Variants in CYRIB observed in about 807,000 individuals in gnomAD.
CYRIB encodes the protein CYFIP-related Rac1 interactor B.
Under a neutral mutation model 44.2 loss-of-function variants are expected in CYRIB, and 8 were observed. That is an observed-to-expected ratio of 0.18 (90% CI 0.11 to 0.33). CYRIB has a LOEUF of 0.33. Ranked by LOEUF, CYRIB falls within the 10% of genes least tolerant of loss-of-function variation. The pLI is 1.00. For missense variants in CYRIB, 185 were observed against 382.8 expected (o/e 0.48, Z 4.31); for synonymous variants, 131 against 127.2 (o/e 1.03, Z -0.20).
At chr8:129,915,627 G>A (rs1332006021) in intron 1 of CYRIB, among the ~76,000 whole-genome samples, 1 of 152,164 alleles carries the variant, frequency 6.6e-6, no homozygotes, top group Non-Finnish European at 1.5e-5. Context: ...TATCTTGATT[G>A]TGGTGATGGT....
chr8:129,941,899 G>A (rs903002944), upstream of CYRIB, among the ~76,000 whole-genome samples: 1 of 152,152 alleles, frequency 6.6e-6, no homozygotes, highest in African/African-American at 2.4e-5. Flanking sequence ...TTGATTGTGA[G>A]GAACCTCTTT....
intron 2 of CYRIB, among the ~76,000 whole-genome samples, chr8:129,970,286 C>A (rs541616439): frequency 6.6e-6 from 1 of 151,898 alleles, no homozygotes; most frequent in Non-Finnish European, 1.5e-5. Flanking sequence ...TCTAGGAAAC[C>A]GGGGGAAAAA....
intron 1 of CYRIB, among the ~76,000 whole-genome samples, chr8:129,921,582 A>AT (rs1020096422): frequency 3.3e-5 from 5 of 151,906 alleles, no homozygotes; most frequent in Non-Finnish European, 7.4e-5. Flanking sequence ...TAATTTTTGT[A>AT]TTTTTTTTGG....
intron 1 of CYRIB, among the ~76,000 whole-genome samples, chr8:129,977,609 G>A (rs879706304): frequency 1.4e-4 from 21 of 151,696 alleles, no homozygotes; most frequent in Middle Eastern, 3.4e-3. Flanking sequence ...TCGGCTCACT[G>A]CAAACTCCAC....
chr8:129,853,944 C>CA (rs1401595084), intron 7 of CYRIB, among the ~76,000 whole-genome samples: 2 of 152,098 alleles, frequency 1.3e-5, no homozygotes, highest in Non-Finnish European at 2.9e-5. Context: ...AATATAGAGA[C>CA]AAAAAACTCG....
intron 2 of CYRIB, among the ~76,000 whole-genome samples, chr8:129,902,480 A>G (rs564422066): frequency 1.3e-5 from 2 of 152,220 alleles, no homozygotes; most frequent in African/African-American, 4.8e-5. Flanking sequence ...TCGGCCTCCC[A>G]AAGTGCTGAG....
intron 1 of CYRIB, among the ~76,000 whole-genome samples, chr8:129,986,030 C>T (rs2096443120): frequency 6.6e-6 from 1 of 152,184 alleles, no homozygotes; most frequent in Non-Finnish European, 1.5e-5. Context: ...CCAGCACTCC[C>T]AGACCTCCCC....
At chr8:129,977,757 C>T (rs2096012574) in intron 1 of CYRIB, among the ~76,000 whole-genome samples, 1 of 152,160 alleles carries the variant, frequency 6.6e-6, no homozygotes, top group South Asian at 2.1e-4. Flanking sequence ...TGGTCTCGAT[C>T]TCCTGACCTC....
intron 2 of CYRIB, chr8:129,896,535 G>C (rs946481421): frequency 1.3e-5 from 2 of 152,198 alleles, no homozygotes; most frequent in Non-Finnish European, 2.9e-5. Flanking sequence ...ATCGCAATGA[G>C]AGTTCAAATC....
intron 1 of CYRIB, among the ~76,000 whole-genome samples, chr8:130,010,229 C>T (rs7003672): frequency 2.6e-5 from 4 of 152,006 alleles, no homozygotes; most frequent in Non-Finnish European, 4.4e-5. Context: ...CCCTGATGAA[C>T]GAAGGTCAAG....
At chr8:129,982,248 C>A (rs2096266570) in intron 1 of CYRIB, among the ~76,000 whole-genome samples, 1 of 152,214 alleles carries the variant, frequency 6.6e-6, no homozygotes, top group African/African-American at 2.4e-5. Flanking sequence ...GCCATGCAGT[C>A]CCTCCAGCTC....
intron 1 of CYRIB, among the ~76,000 whole-genome samples, chr8:129,995,606 AGAG>A (rs1407754042): frequency 2.6e-5 from 4 of 152,218 alleles, no homozygotes; most frequent in Non-Finnish European, 5.9e-5. Flanking sequence ...AAGCTGGAGG[AGAG>A]GAGAACAGAG....
chr8:129,943,150 A>G (rs2093859724), upstream of CYRIB, among the ~76,000 whole-genome samples: 1 of 144,198 alleles, frequency 6.9e-6, no homozygotes, highest in Non-Finnish European at 1.5e-5. Context: ...AGAGTAAGAC[A>G]CCAAGTCCCT....
At chr8:129,869,436 T>C (rs918804921) in intron 4 of CYRIB, among the ~76,000 whole-genome samples, 4 of 149,266 alleles carry the variant, frequency 2.7e-5, no homozygotes, top group Admixed American at 6.7e-5. Context: ...TTTGTCTCTA[T>C]AGCGAGTAAG....
At chr8:129,869,768 G>GT (rs1250921161) in intron 4 of CYRIB, among the ~76,000 whole-genome samples, 5 of 152,168 alleles carry the variant, frequency 3.3e-5, no homozygotes, top group African/African-American at 1.2e-4. Context: ...ACTAAGTGCT[G>GT]TAAGTTTACA....
intron 2 of CYRIB, among the ~76,000 whole-genome samples, chr8:129,955,395 G>A (rs1371398228): frequency 6.6e-6 from 1 of 152,070 alleles, no homozygotes; most frequent in Non-Finnish European, 1.5e-5. Flanking sequence ...CAGAGTTCAT[G>A]TAAATACTGT....
chr8:129,967,373 T>TTTGTTTTG (rs2095519588), intron 2 of CYRIB, among the ~76,000 whole-genome samples: 1 of 145,018 alleles, frequency 6.9e-6, no homozygotes, highest in African/African-American at 2.9e-5. Flanking sequence ...TTTGTTTTGT[T>TTTGTTTTG]TTTTTGTTTT....
intron 1 of CYRIB, among the ~76,000 whole-genome samples, chr8:129,905,774 A>T (rs1286107376): frequency 6.6e-6 from 1 of 152,184 alleles, no homozygotes; most frequent in Non-Finnish European, 1.5e-5. Flanking sequence ...AAATTCAATT[A>T]TTTATTCTTA....
At chr8:129,972,777 C>G (rs934841282) in intron 1 of CYRIB, among the ~76,000 whole-genome samples, 9 of 151,836 alleles carry the variant, frequency 5.9e-5, no homozygotes, top group Admixed American at 1.3e-4. Context: ...ACACACACCC[C>G]ACATCACTCA....
Sources: allele counts gnomAD v4.1 joint callset (sites outside exome capture counted in the v4.1 genomes callset), GRCh38; gene constraint gnomAD v4.1.1; transcripts MANE v1.5; gene names NCBI Gene and HGNC (gene_info 2026-07-23, HGNC 2026-07-21).